SLC28A1: variants seen among roughly 807,000 people sequenced by gnomAD.
The protein encoded by SLC28A1 is sodium/nucleoside cotransporter 1.
A neutral mutation model predicts 74.8 loss-of-function variants in SLC28A1; 64 were observed. The observed-to-expected ratio is 0.86, with a 90% CI of 0.70 to 1.05. The LOEUF is 1.05. Ranked by LOEUF, SLC28A1 falls within the 50% of genes least tolerant of loss-of-function variation. SLC28A1 has a pLI of 0.00. For synonymous variants in SLC28A1, 359 were observed against 335.0 expected, an observed-to-expected ratio of 1.07 and a Z score of -0.78; for missense variants, 828 against 822.8, an observed-to-expected ratio of 1.01 and a Z score of -0.08.
At chr15:84,905,436 C>G in intron 7 of SLC28A1, 103 bp from the exon 8 acceptor site, 1 of 799,076 alleles carries the variant, frequency 1.3e-6, no homozygotes, top group Non-Finnish European at 2.2e-6. Flanking sequence ...TGGCTCCAGC[C>G]CCATCCTCTG....
At chr15:84,907,291 AT>A (rs1262464135) in intron 8 of SLC28A1, among the ~76,000 whole-genome samples, 6 of 152,178 alleles carry the variant, frequency 3.9e-5, no homozygotes, top group East Asian at 3.9e-4. Flanking sequence ...AACACTTAGA[AT>A]TTTTTTTAAA....
the SLC28A1 span, among the ~76,000 whole-genome samples, chr15:84,973,306 A>C: frequency 6.6e-6 from 1 of 152,182 alleles, no homozygotes; most frequent in Non-Finnish European, 1.5e-5. Flanking sequence ...GCAAGAGACT[A>C]AAAACCAGAC....
intron 9 of SLC28A1, among the ~76,000 whole-genome samples, chr15:84,915,916 C>T (rs1394514683): frequency 3.3e-5 from 5 of 151,368 alleles, no homozygotes; most frequent in African/African-American, 4.9e-5. Flanking sequence ...TTGCATCCAC[C>T]AGCCACCTCA....
At chr15:84,957,278 G>A in the SLC28A1 span, among the ~76,000 whole-genome samples, 1 of 151,902 alleles carries the variant, frequency 6.6e-6, no homozygotes, top group Non-Finnish European at 1.5e-5. Context: ...GTTTTGTTTT[G>A]TTTTTTGAGA....
In SLC28A1 at chr15:84,944,773, A is replaced by T. The variant is rs1567193929; in HGVS notation, c.1780A>T (p.Arg594Trp). ...CTCTACAGGGATCCTCTACATGCCC[A>T]GGGGGGCTGAAGTTGACTGCATGTC... ...ACMAGILYMP[R>W]GAEVDCMSLL... The change falls in exon 18 of 19, where the codon AGG (arginine) becomes TGG (tryptophan). Residue 594 changes from arginine (R) to tryptophan (W), a missense_variant. Arg to Trp is a moderately radical substitution (Grantham distance 101). Around this residue, in one of 3 missense-constraint regions of SLC28A1, gnomAD observed 767 missense variants for 753.5 expected, o/e 1.02. Transcript: ENST00000394573. The T allele has an allele frequency of 1.2e-6, 2 of 1,613,296 alleles. No individual in the cohort carries two copies. Among genetic ancestry groups the T allele is most frequent in the African/African-American group, 1.3e-5 (1 of 74,892 alleles).
chr15:84,946,101 TA>T (rs1567196386), downstream of SLC28A1, among the ~76,000 whole-genome samples: 5 of 25,620 alleles, frequency 2.0e-4, no homozygotes, highest in East Asian at 1.6e-3. Flanking sequence ...TATATATATA[TA>T]TATATATATA....
intron 15 of SLC28A1, among the ~76,000 whole-genome samples, chr15:84,937,497 G>T (rs147471511): frequency 5.5e-4 from 83 of 152,288 alleles, no homozygotes; most frequent in Middle Eastern, 3.4e-3. Context: ...ATAGCTCATT[G>T]TTTTCATTTG....
At chr15:84,962,296 A>C in the SLC28A1 span, among the ~76,000 whole-genome samples, 9 of 151,282 alleles carry the variant, frequency 5.9e-5, no homozygotes, top group Non-Finnish European at 1.0e-4. Context: ...CTTGTCTCGA[A>C]CTCCTGGCCT....
At chr15:84,949,597 C>T (rs904362236), downstream of SLC28A1, among the ~76,000 whole-genome samples, 4 of 126,556 alleles carry the variant, frequency 3.2e-5, no homozygotes, top group East Asian at 2.3e-4. Context: ...TTAGAGATGG[C>T]GGGGACTCTC....
At chr15:84,900,951 T>A (rs1001294250) in intron 6 of SLC28A1, among the ~76,000 whole-genome samples, 6 of 152,066 alleles carry the variant, frequency 3.9e-5, no homozygotes, top group South Asian at 2.1e-4. Flanking sequence ...AGGCCAGGTG[T>A]GGTGGCTCAC....
At chr15:84,932,176 T>C (rs1197976233) in intron 12 of SLC28A1, among the ~76,000 whole-genome samples, 2 of 152,178 alleles carry the variant, frequency 1.3e-5, no homozygotes, top group African/African-American at 4.8e-5. Context: ...GTGGGCCCTT[T>C]CCCACTTCAC....
the SLC28A1 span, among the ~76,000 whole-genome samples, chr15:84,956,818 G>A: frequency 6.6e-6 from 1 of 151,946 alleles, no homozygotes; most frequent in Non-Finnish European, 1.5e-5. Context: ...TGCACATCTT[G>A]TTCCTTCTGA....
chr15:84,886,799 C>A lies in SLC28A1; in HGVS notation c.-17+12C>A. The A allele has an allele frequency of 5.1e-6, 5 of 982,438 alleles. No homozygotes were observed. Among genetic ancestry groups the A allele is most frequent in the Non-Finnish European group, 6.0e-6 (5 of 827,168 alleles). 60.9% of individuals were successfully genotyped at this position (982,438 alleles called of 1,614,324 possible). ...TTAACCGCAAATACGTGAGTAGAAA[C>A]AGGGCCCCGCTTCTGTGTGCGCTGC... is the stretch of plus-strand genomic sequence containing the variant. On this transcript the variant is annotated intron_variant, in intron 2 of 18. Coordinates refer to ENST00000394573, the MANE Select transcript of SLC28A1 (RefSeq NM_004213.5).
intron 4 of SLC28A1, 101 bp from the exon 5 acceptor site, chr15:84,890,342 G>T: frequency 1.2e-6 from 1 of 861,508 alleles, no homozygotes; most frequent in Non-Finnish European, 1.9e-6. Flanking sequence ...GCTTGCCCCT[G>T]TTGCCACTTT....
intron 5 of SLC28A1, among the ~76,000 whole-genome samples, chr15:84,893,590 T>C (rs986334285): frequency 6.6e-6 from 1 of 152,182 alleles, no homozygotes; most frequent in African/African-American, 2.4e-5. Flanking sequence ...TATCTATCAT[T>C]ACTCCTCAAG....
At chr15:84,909,811 C>T (rs572943158) in intron 9 of SLC28A1, among the ~76,000 whole-genome samples, 36 of 152,348 alleles carry the variant, frequency 2.4e-4, no homozygotes, top group South Asian at 1.7e-3. Flanking sequence ...CTGGTACATC[C>T]GGGACCGCCA....
At chr15:84,906,548 C>A (rs868134441) in intron 8 of SLC28A1, among the ~76,000 whole-genome samples, 7 of 81,538 alleles carry the variant, frequency 8.6e-5, no homozygotes, top group African/African-American at 3.5e-4. Context: ...TTCTTTCTTT[C>A]TTTCTTTCTT....
intron 15 of SLC28A1, among the ~76,000 whole-genome samples, chr15:84,936,345 C>T (rs984000755): frequency 9.2e-5 from 14 of 152,080 alleles, no homozygotes; most frequent in African/African-American, 2.7e-4. Flanking sequence ...GCAACTTCCA[C>T]CTCCCGGGTT....
At chr15:84,958,435 C>A in the SLC28A1 span, among the ~76,000 whole-genome samples, 3 of 152,190 alleles carry the variant, frequency 2.0e-5, no homozygotes, top group African/African-American at 7.2e-5. Flanking sequence ...CACAAGAGAT[C>A]AAATTTTGTG....
Sources: gnomAD v4.1 joint callset for allele counts (sites outside exome capture counted in the v4.1 genomes callset) on GRCh38, gnomAD v4.1.1 for gene constraint, gnomAD v4.1.1 regional missense constraint, MANE v1.5 for transcripts, NCBI Gene and HGNC (gene_info 2026-07-23, HGNC 2026-07-21) for gene names.